Variants in SKAP1 observed in about 807,000 individuals in gnomAD.
SKAP1 encodes the protein src kinase-associated phosphoprotein 1.
A neutral mutation model predicts 58.5 loss-of-function variants in SKAP1; 44 were observed. The ratio of observed to expected loss-of-function variants is 0.75; its 90% CI spans 0.59 to 0.97. The LOEUF (loss-of-function observed/expected upper bound fraction) is 0.97. SKAP1 is among the 50% of genes least tolerant of loss of function. The pLI, the probability that SKAP1 is intolerant of heterozygous loss-of-function variation, is 0.00. For missense variants in SKAP1, 390 were observed against 435.2 expected (o/e 0.90, Z 0.92); for synonymous variants, 127 against 149.7 (o/e 0.85, Z 1.11).
At chr17:48,257,560 G>A (rs1164813778) in intron 4 of SKAP1, among the ~76,000 whole-genome samples, 12 of 151,700 alleles carry the variant, frequency 7.9e-5, no homozygotes, top group Admixed American at 2.0e-4. Flanking sequence ...AAAATTTGTC[G>A]GAAACTTACA....
intron 9 of SKAP1, among the ~76,000 whole-genome samples, chr17:48,177,958 G>C (rs1038196211): frequency 6.6e-6 from 1 of 152,070 alleles, no homozygotes; most frequent in Admixed American, 6.5e-5. Flanking sequence ...CTTCCAATGG[G>C]CAGCTGTTGT....
At chr17:48,228,780 T>C (rs1336071101) in intron 4 of SKAP1, among the ~76,000 whole-genome samples, 1 of 152,196 alleles carries the variant, frequency 6.6e-6, no homozygotes, top group Non-Finnish European at 1.5e-5. Context: ...CCTTTTTGTT[T>C]AGTGCCTGGG....
chr17:48,190,531 T>C (rs2064526669), intron 4 of SKAP1, among the ~76,000 whole-genome samples: 1 of 152,182 alleles, frequency 6.6e-6, no homozygotes, highest in African/African-American at 2.4e-5. Context: ...GATTCCACCA[T>C]AAACGTAGTC....
chr17:48,256,199 G>GT (rs1333940327), intron 4 of SKAP1, among the ~76,000 whole-genome samples: 1 of 151,894 alleles, frequency 6.6e-6, no homozygotes, highest in African/African-American at 2.4e-5. Context: ...GTGTGTGTGA[G>GT]GAGTTCACAC....
chr17:48,413,514 C>CA (rs1222640261), intron 1 of SKAP1, among the ~76,000 whole-genome samples: 4,407 of 99,868 alleles, frequency 0.044, 785 homozygotes, highest in African/African-American at 0.14. Flanking sequence ...AACTCCGTCT[C>CA]AAAAAAAAAA....
At chr17:48,199,938 G>A (rs755962105) in intron 4 of SKAP1, among the ~76,000 whole-genome samples, 3 of 152,054 alleles carry the variant, frequency 2.0e-5, no homozygotes, top group Admixed American at 1.3e-4. Context: ...AGCCGTGCAC[G>A]TAGGGGGATG....
At chr17:48,229,225 T>C (rs1308473761) in intron 4 of SKAP1, among the ~76,000 whole-genome samples, 1 of 152,202 alleles carries the variant, frequency 6.6e-6, no homozygotes, top group Non-Finnish European at 1.5e-5. Flanking sequence ...TTTATTTTTG[T>C]TTTTATTACG....
At chr17:48,374,085 A>G (rs1024608480) in intron 2 of SKAP1, among the ~76,000 whole-genome samples, 3 of 152,108 alleles carry the variant, frequency 2.0e-5, no homozygotes, top group African/African-American at 7.2e-5. Flanking sequence ...CCCATGCTGG[A>G]GCGTAGTGAC....
At chr17:48,357,760 A>G (rs1255227329) in intron 3 of SKAP1, among the ~76,000 whole-genome samples, 1 of 152,240 alleles carries the variant, frequency 6.6e-6, no homozygotes, top group Non-Finnish European at 1.5e-5. Flanking sequence ...CAGTAGATGT[A>G]TAGGAAGTAA....
At chr17:48,346,269 A>C (rs573641857) in intron 3 of SKAP1, among the ~76,000 whole-genome samples, 35 of 152,314 alleles carry the variant, frequency 2.3e-4, no homozygotes, top group African/African-American at 8.4e-4. Flanking sequence ...TATAGTGGGA[A>C]TACCTCTTGC....
At chr17:48,180,275 CAAGAAACAGAGAAA>C in intron 8 of SKAP1, 27 bp from the exon 9 acceptor site, 1 of 1,477,242 alleles carries the variant, frequency 6.8e-7, no homozygotes, top group Non-Finnish European at 9.1e-7. Context: ...GAGAATGAAT[CAAGAAACAGAGAAA>C]AAGAAAATAA....
the SKAP1 span, among the ~76,000 whole-genome samples, chr17:48,439,861 A>T: frequency 6.6e-6 from 1 of 152,062 alleles, no homozygotes; most frequent in Non-Finnish European, 1.5e-5. Flanking sequence ...ATATTCTGAC[A>T]ATGTTGGGGC....
At position 48,172,412 on chromosome 17, in the gene SKAP1, C is replaced by T. The variant is rs144685258; in HGVS notation, c.827-1753G>A. Among the ~76,000 whole-genome samples, 19 of 152,196 alleles carry T rather than the reference C, an allele frequency of 1.2e-4. No individual in the cohort carries two copies. In the East Asian group the frequency reaches 2.9e-3, roughly 23 times the overall value. The stretch of plus-strand genomic sequence containing the variant: ...ACCGGTTTCATCTCGTCACATTACC[C>T]GATAAAATAGGAATTGGACCCTTAT... On this transcript the variant is annotated intron_variant, in intron 9 of 12. Coordinates refer to ENST00000336915, the MANE Select transcript of SKAP1 (RefSeq NM_003726.4).
At chr17:48,261,004 G>A (rs2065478539) in intron 4 of SKAP1, among the ~76,000 whole-genome samples, 2 of 152,266 alleles carry the variant, frequency 1.3e-5, no homozygotes, top group Middle Eastern at 3.4e-3. Context: ...AATCCCTGAT[G>A]TGAATTTAAT....
chr17:48,238,553 C>T (rs2065207788), intron 4 of SKAP1, among the ~76,000 whole-genome samples: 1 of 151,954 alleles, frequency 6.6e-6, no homozygotes, highest in Non-Finnish European at 1.5e-5. Flanking sequence ...GCGTGTGCCA[C>T]CATGCCCAGC....
chr17:48,325,060 A>G (rs1408423916), intron 4 of SKAP1, among the ~76,000 whole-genome samples: 1 of 152,048 alleles, frequency 6.6e-6, no homozygotes, highest in Non-Finnish European at 1.5e-5. Context: ...CATCCTGGCT[A>G]ACACGGTGAA....
chr17:48,335,137 G>A (rs2066552675), intron 4 of SKAP1, among the ~76,000 whole-genome samples: 1 of 151,574 alleles, frequency 6.6e-6, no homozygotes, highest in African/African-American at 2.4e-5. Context: ...GAGGAAAAAA[G>A]GGCAATATTT....
At chr17:48,164,533 G>T (rs1332391821) in intron 10 of SKAP1, among the ~76,000 whole-genome samples, 1 of 152,074 alleles carries the variant, frequency 6.6e-6, no homozygotes, top group Non-Finnish European at 1.5e-5. Flanking sequence ...TATGGGCCTG[G>T]GAGAACATCT....
At chr17:48,280,966 C>A (rs555615471) in intron 4 of SKAP1, among the ~76,000 whole-genome samples, 2 of 152,118 alleles carry the variant, frequency 1.3e-5, no homozygotes, top group Non-Finnish European at 2.9e-5. Context: ...CAAGGCAGAA[C>A]CTGTACTCAG....
Sources: gnomAD v4.1 joint callset for allele counts (sites outside exome capture counted in the v4.1 genomes callset) on GRCh38, gnomAD v4.1.1 for gene constraint, MANE v1.5 for transcripts, NCBI Gene and HGNC (gene_info 2026-07-23, HGNC 2026-07-21) for gene names.